Variants in TNFRSF11B observed in about 807,000 individuals in gnomAD.
TNFRSF11B encodes TNF receptor superfamily member 11b.
TNFRSF11B carries 16 observed loss-of-function variants against 43.4 expected under a neutral mutation model. That is an observed-to-expected ratio of 0.37 (90% confidence interval 0.25 to 0.56). The LOEUF (loss-of-function observed/expected upper bound fraction) is 0.56. Among genes scored for constraint, TNFRSF11B ranks in the 20% least tolerant of loss-of-function variants. The pLI is 0.80. For missense variants in TNFRSF11B, 444 were observed against 490.1 expected (o/e 0.91, Z 0.89); for synonymous variants, 185 against 181.8 (o/e 1.02, Z -0.14).
rs986334488 is a variant in TNFRSF11B at position 118,925,862 on chromosome 8, G to C, written c.817+632C>G. Among the ~76,000 whole-genome samples the C allele has an allele frequency of 3.9e-5, 6 of 152,170 alleles. No homozygotes were observed. The East Asian group carries it at 7.7e-4, about 20-fold the overall frequency. On this transcript the variant is annotated intron_variant, in intron 4 of 4. Coordinates refer to ENST00000297350, the MANE Select transcript of TNFRSF11B (RefSeq NM_002546.4). Reference sequence around the variant, plus strand: ...CACACTTCTCTCCCTATCTCTCTCTGTTTCTCTCTCACACCATTTCTAAAG... The same window carrying C: ...CACACTTCTCTCCCTATCTCTCTCTCTTTCTCTCTCACACCATTTCTAAAG...
intron 1 of TNFRSF11B, among the ~76,000 whole-genome samples, chr8:118,950,433 T>C (rs899578122): frequency 6.6e-6 from 1 of 152,194 alleles, no homozygotes; most frequent in Admixed American, 6.5e-5. Context: ...GTTCCATTTA[T>C]AGGAAGTTCA....
At chr8:118,924,948 TTATAA>T (rs530587595) in intron 4 of TNFRSF11B, among the ~76,000 whole-genome samples, 186 bp from the exon 5 acceptor site, 41 of 152,340 alleles carry the variant, frequency 2.7e-4, no homozygotes, top group African/African-American at 8.7e-4. Context: ...ATATTTTTTG[TTATAA>T]TAAGATAATA....
chr8:118,949,362 G>A (rs541111772), intron 1 of TNFRSF11B, among the ~76,000 whole-genome samples: 85 of 152,106 alleles, frequency 5.6e-4, no homozygotes, highest in African/African-American at 1.8e-3. Context: ...TCAGCACTTC[G>A]TTTACATAAT....
intron 1 of TNFRSF11B, among the ~76,000 whole-genome samples, chr8:118,951,253 A>AGT (rs939808379): frequency 6.6e-6 from 1 of 152,178 alleles, no homozygotes; most frequent in African/African-American, 2.4e-5. Flanking sequence ...ACAGTTAAGA[A>AGT]GTGTGTGTGT....
chr8:118,929,785 A>G (rs1055547883), intron 2 of TNFRSF11B, among the ~76,000 whole-genome samples: 1 of 152,230 alleles, frequency 6.6e-6, no homozygotes, highest in Non-Finnish European at 1.5e-5. Context: ...GAATATGAAA[A>G]TATCTCCATC....
chr8:118,942,546 T>C (rs1001296212), intron 1 of TNFRSF11B, among the ~76,000 whole-genome samples: 1 of 152,094 alleles, frequency 6.6e-6, no homozygotes, highest in Non-Finnish European at 1.5e-5. Context: ...CGAAACATCA[T>C]ATTGGAAGCC....
chr8:118,941,124 A>T (rs187067645), intron 1 of TNFRSF11B, among the ~76,000 whole-genome samples: 265 of 152,300 alleles, frequency 1.7e-3, no homozygotes, highest in Non-Finnish European at 1.9e-3. Context: ...ATTTGCCTAA[A>T]GGAAGAGATT....
At chr8:118,951,659 A>T in intron 1 of TNFRSF11B, 133 bp downstream of exon 1, 1 of 883,578 alleles carries the variant, frequency 1.1e-6, no homozygotes, top group Non-Finnish European at 1.8e-6. Flanking sequence ...TTCCTGCTCC[A>T]GCCTAACCCC....
At chr8:118,926,065 C>T (rs778939409) in intron 4 of TNFRSF11B, among the ~76,000 whole-genome samples, 10 of 152,072 alleles carry the variant, frequency 6.6e-5, no homozygotes, top group East Asian at 3.9e-4. Flanking sequence ...TTGTAAGCTA[C>T]GAAAAGCCTA....
In TNFRSF11B at chr8:118,926,596, T is replaced by C; in HGVS notation, c.715A>G (p.Arg239Gly). Residue 239 changes from arginine (R) to glycine (G), a missense_variant, in exon 4 of 5, where the codon AGG (arginine) becomes GGG (glycine). By Grantham distance (125) the Arg-to-Gly change is moderately radical. Transcript: ENST00000297350. ...TGTGAGCTGTGTTGCCGTTTTATCC[T>C]CTCTACACTCTCTGCGTTTACTTTG... ...GTKVNAESVE[R>G]IKRQHSSQEQ... is the part of the protein sequence containing the mutation. The C allele has an allele frequency of 6.2e-7, 1 of 1,614,148 alleles. No homozygotes were observed. The highest frequency in any genetic ancestry group is 8.5e-7 in the Non-Finnish European group (1 of 1,180,004).
chr8:118,939,562 A>G (rs1007538543), intron 1 of TNFRSF11B, among the ~76,000 whole-genome samples: 3 of 152,204 alleles, frequency 2.0e-5, no homozygotes, highest in Non-Finnish European at 4.4e-5. Context: ...GCTAGGAAGC[A>G]ATCGAAGAGC....
chr8:118,931,471 T>C (rs913111044), intron 2 of TNFRSF11B, among the ~76,000 whole-genome samples: 1 of 152,088 alleles, frequency 6.6e-6, no homozygotes, highest in Admixed American at 6.6e-5. Flanking sequence ...TAGCCCACTT[T>C]TCATTTTTCT....
intron 1 of TNFRSF11B, among the ~76,000 whole-genome samples, chr8:118,939,043 C>A (rs1812442409): frequency 6.6e-6 from 1 of 152,112 alleles, no homozygotes; most frequent in South Asian, 2.1e-4. Context: ...TGAGGACTAC[C>A]CAGAGTTAGC....
At chr8:118,928,012 A>ATGTGTG (rs58489703) in intron 3 of TNFRSF11B, among the ~76,000 whole-genome samples, 2,301 of 145,232 alleles carry the variant, frequency 0.016, 41 homozygotes, top group East Asian at 0.1. Context: ...CACATTTCTA[A>ATGTGTG]TGTGTGTGTG....
At chr8:118,938,521 G>C (rs1027654167) in intron 1 of TNFRSF11B, among the ~76,000 whole-genome samples, 1 of 152,068 alleles carries the variant, frequency 6.6e-6, no homozygotes, top group Non-Finnish European at 1.5e-5. Context: ...GAATTTTTTG[G>C]TCAAATCCTT....
intron 1 of TNFRSF11B, among the ~76,000 whole-genome samples, chr8:118,949,420 G>A (rs1586961850): frequency 6.6e-6 from 1 of 152,246 alleles, no homozygotes; most frequent in East Asian, 1.9e-4. Context: ...TGAGCATCAT[G>A]CTAGGAGCTA....
chr8:118,946,829 G>T (rs545468600), intron 1 of TNFRSF11B, among the ~76,000 whole-genome samples: 4 of 152,068 alleles, frequency 2.6e-5, no homozygotes, highest in Non-Finnish European at 4.4e-5. Context: ...ATATCTAAAT[G>T]CCTACTTGAC....
In TNFRSF11B at chr8:118,946,360, C is replaced by T. The variant is rs187632018; in HGVS notation, c.30+5432G>A. Reference sequence around the variant, plus strand: ...ATGTGTTGTAACACTATTCTTATCCCTTACAACTGTCTAAAAGGATTCTTT... The same window carrying T: ...ATGTGTTGTAACACTATTCTTATCCTTTACAACTGTCTAAAAGGATTCTTT... On this transcript the variant is annotated intron_variant, in intron 1 of 4. Coordinates refer to ENST00000297350, the MANE Select transcript of TNFRSF11B (RefSeq NM_002546.4). 5.3e-5 allele frequency among the ~76,000 whole-genome samples: 8 copies of T among 152,246 alleles called. No homozygotes were observed. The East Asian group carries it at 1.5e-3, about 29-fold the overall frequency.
At chr8:118,928,614 G>T in intron 3 of TNFRSF11B, 124 bp downstream of exon 3, 2 of 1,083,590 alleles carry the variant, frequency 1.8e-6, no homozygotes, top group South Asian at 1.3e-5. Flanking sequence ...GCCTTAGCTG[G>T]TTAAGATTCA....
Sources: allele counts gnomAD v4.1 joint callset (sites outside exome capture counted in the v4.1 genomes callset), GRCh38; gene constraint gnomAD v4.1.1; transcripts MANE v1.5; gene names NCBI Gene and HGNC (gene_info 2026-07-23, HGNC 2026-07-21).